FBXL20: variants seen among roughly 807,000 people sequenced by gnomAD.
The protein encoded by FBXL20 is F-box/LRR-repeat protein 20.
A neutral mutation model predicts 64.0 loss-of-function variants in FBXL20; 11 were observed. The ratio of observed to expected loss-of-function variants is 0.17; its 90% CI spans 0.11 to 0.28. The LOEUF (loss-of-function observed/expected upper bound fraction) is 0.28, where lower values mean the gene tolerates loss of function less well. FBXL20 is among the 10% of genes least tolerant of loss of function. FBXL20 has a pLI of 1.00. For missense variants in FBXL20, 303 were observed against 526.2 expected, an observed-to-expected ratio of 0.58 and a Z score of 4.15; for synonymous variants, 184 against 189.0, an observed-to-expected ratio of 0.97 and a Z score of 0.22.
At chr17:39,287,578 A>AT (rs1465412012) in intron 6 of FBXL20, among the ~76,000 whole-genome samples, 1 of 151,954 alleles carries the variant, frequency 6.6e-6, no homozygotes, top group Non-Finnish European at 1.5e-5. Context: ...AATTAAAAAA[A>AT]TTTTTTTGTA....
At chr17:39,389,974 A>C (rs1222181342) in intron 1 of FBXL20, among the ~76,000 whole-genome samples, 2 of 152,190 alleles carry the variant, frequency 1.3e-5, no homozygotes, top group African/African-American at 4.8e-5. Flanking sequence ...TTTAGATGTC[A>C]ACTTACAATT....
chr17:39,270,830 T>C lies in FBXL20; in HGVS notation c.854A>G (p.Gln285Arg), dbSNP rs77104811. The C allele has an allele frequency of 6.2e-7, 1 of 1,607,992 alleles. No homozygotes were observed. Among genetic ancestry groups the C allele is most frequent in the Non-Finnish European group, 8.5e-7 (1 of 1,177,918 alleles). The change falls in exon 11 of 15, where the codon CAA becomes CGA. Residue 285 changes from glutamine to arginine, a missense_variant. Gln to Arg is a conservative substitution (Grantham distance 43). Coordinates refer to ENST00000264658, the MANE Select transcript of FBXL20 (RefSeq NM_032875.3). ...LRILEVARCSQLTDVGFTTLA... is the reference protein window; with the variant it reads ...LRILEVARCSRLTDVGFTTLA... ...AGTGGTAAAGCCCACATCTGTTAAT[T>C]GAGAACATCTTGCCACTTCCAATAT...
intron 2 of FBXL20, among the ~76,000 whole-genome samples, chr17:39,311,676 A>G (rs558616110): frequency 1.3e-5 from 2 of 152,220 alleles, no homozygotes; most frequent in Non-Finnish European, 2.9e-5. Context: ...TACATTGATG[A>G]AATGCTGCTG....
At chr17:39,289,733 G>A (rs889048414) in intron 6 of FBXL20, among the ~76,000 whole-genome samples, 3 of 151,488 alleles carry the variant, frequency 2.0e-5, no homozygotes, top group East Asian at 3.9e-4. Context: ...GGTGACTCAC[G>A]CCTGTAATCC....
At chr17:39,352,772 C>T (rs774385058) in intron 1 of FBXL20, among the ~76,000 whole-genome samples, 1 of 151,682 alleles carries the variant, frequency 6.6e-6, no homozygotes, top group Non-Finnish European at 1.5e-5. Context: ...CTACTAAGTA[C>T]TAAACAGGAA....
At chr17:39,380,079 T>C (rs979857172) in intron 1 of FBXL20, among the ~76,000 whole-genome samples, 2 of 152,192 alleles carry the variant, frequency 1.3e-5, no homozygotes, top group African/African-American at 4.8e-5. Context: ...ATCAACTTGA[T>C]GCAAAATATT....
chr17:39,300,939 TA>T, intron 4 of FBXL20, 61 bp downstream of exon 4: 3 of 1,467,124 alleles, frequency 2.0e-6, no homozygotes, highest in Non-Finnish European at 2.9e-6. Context: ...TGGCTAGGGC[TA>T]ATCTGTTCCA....
intron 2 of FBXL20, among the ~76,000 whole-genome samples, chr17:39,322,487 T>TA (rs936414860): frequency 5.9e-5 from 9 of 152,094 alleles, no homozygotes; most frequent in Admixed American, 6.6e-5. Flanking sequence ...AATTTTTAAT[T>TA]AAAAAATTTT....
chr17:39,340,232 G>C (rs1433222767), intron 2 of FBXL20, among the ~76,000 whole-genome samples: 1 of 152,172 alleles, frequency 6.6e-6, no homozygotes, highest in East Asian at 1.9e-4. Flanking sequence ...GAGTGGCTGG[G>C]ATTACAGGCA....
upstream of FBXL20, chr17:39,401,758 G>A (rs1597845218): frequency 2.8e-6 from 3 of 1,068,398 alleles, no homozygotes; most frequent in Non-Finnish European, 2.3e-6. Context: ...CGCGGCGGCG[G>A]CGGCGCGAGA....
At chr17:39,398,040 CGGGGGGG>C (rs56842905) in intron 1 of FBXL20, among the ~76,000 whole-genome samples, 31,728 of 57,014 alleles carry the variant, frequency 0.56, 7,942 homozygotes, top group African/African-American at 0.67. Context: ...GGCCGGCGGG[CGGGGGGG>C]GGGGGGGGGT....
intron 1 of FBXL20, among the ~76,000 whole-genome samples, chr17:39,364,355 G>A (rs1007726695): frequency 2.0e-5 from 3 of 152,170 alleles, no homozygotes; most frequent in African/African-American, 2.4e-5. Flanking sequence ...GCTCACGCCT[G>A]TAATCCCAAC....
chr17:39,328,248 CAAAAAAAAAAA>C (rs141259755), intron 2 of FBXL20, among the ~76,000 whole-genome samples: 13 of 55,092 alleles, frequency 2.4e-4, no homozygotes, highest in Non-Finnish European at 2.8e-4. Flanking sequence ...AACTCTGCCT[CAAAAAAAAAAA>C]AAAAAAAAAA....
intron 2 of FBXL20, among the ~76,000 whole-genome samples, chr17:39,341,444 C>A (rs968734021): frequency 2.0e-5 from 3 of 152,168 alleles, no homozygotes; most frequent in Non-Finnish European, 4.4e-5. Flanking sequence ...AGTCACATAT[C>A]TTCTTTCAGA....
At chr17:39,387,061 T>C (rs920929290) in intron 1 of FBXL20, among the ~76,000 whole-genome samples, 2 of 152,236 alleles carry the variant, frequency 1.3e-5, no homozygotes, top group Non-Finnish European at 2.9e-5. Context: ...GGTGTACACG[T>C]AATATGCATC....
chr17:39,286,333 C>A (rs999151498), intron 6 of FBXL20, among the ~76,000 whole-genome samples: 3 of 152,136 alleles, frequency 2.0e-5, no homozygotes, highest in African/African-American at 7.2e-5. Context: ...CATGCCTCAG[C>A]CTCCTAAGTA....
chr17:39,316,846 G>A (rs567583853), intron 2 of FBXL20, among the ~76,000 whole-genome samples: 10 of 152,324 alleles, frequency 6.6e-5, no homozygotes, highest in Middle Eastern at 3.4e-3. Flanking sequence ...AAAATGAGCC[G>A]GGCATGGTGC....
At chr17:39,402,302 C>CGGTTG, upstream of FBXL20, 2 of 921,212 alleles carry the variant, frequency 2.2e-6, no homozygotes, top group Non-Finnish European at 1.4e-6. Flanking sequence ...CGCCGCCTCC[C>CGGTTG]CCGCCTCCCC....
At chr17:39,297,364 A>G (rs620686) in intron 5 of FBXL20, 169 bp from the exon 6 acceptor site, 125,859 of 415,084 alleles carry the variant, frequency 0.3, 24,247 homozygotes, top group African/African-American at 0.7. Flanking sequence ...TTGGCATACC[A>G]TCCCTAAAAT....
Sources: allele counts gnomAD v4.1 joint callset (sites outside exome capture counted in the v4.1 genomes callset), GRCh38; gene constraint gnomAD v4.1.1; transcripts MANE v1.5; gene names NCBI Gene and HGNC (gene_info 2026-07-23, HGNC 2026-07-21).